The following MYL12B variants were observed in gnomAD, a reference collection of about 807,000 sequenced individuals.
MYL12B encodes the protein myosin light chain 12B.
MYL12B carries 3 observed loss-of-function variants against 12.9 expected under a neutral mutation model. The observed-to-expected ratio is 0.23, with a 90% CI of 0.11 to 0.60. The LOEUF is 0.60. Ranked by LOEUF, MYL12B falls within the 20% of genes least tolerant of loss-of-function variation. MYL12B has a pLI of 0.89. For synonymous variants in MYL12B, 57 were observed against 71.9 expected, an observed-to-expected ratio of 0.79 and a Z score of 1.05; for missense variants, 120 against 215.4, an observed-to-expected ratio of 0.56 and a Z score of 2.77.
In MYL12B at chr18:3,262,166, C is replaced by G. The variant is rs2081595140; in HGVS notation, c.-87C>G. 1 of 152,244 alleles carries G rather than the reference C, an allele frequency of 6.6e-6. No homozygotes were observed. The highest frequency in any genetic ancestry group is 6.5e-5 in the Admixed American group (1 of 15,286). 9.4% of individuals were successfully genotyped at this position (152,244 alleles called of 1,614,324 possible). On this transcript the variant is annotated 5_prime_UTR_variant, in exon 1 of 4. Transcript: ENST00000237500. ...AGTGTCGGCGCCGCCACTGTCCGGC[C>G]ACAGCCTAACGCTCTTCGCTGTCGT...
At chr18:3,263,754 C>T (rs1431879680) in intron 1 of MYL12B, among the ~76,000 whole-genome samples, 1 of 152,190 alleles carries the variant, frequency 6.6e-6, no homozygotes, top group Non-Finnish European at 1.5e-5. Flanking sequence ...TACACATTAG[C>T]TTTGGGGTGT....
chr18:3,272,010 T>C (rs927897000), intron 1 of MYL12B: 1 of 964,984 alleles, frequency 1.0e-6, no homozygotes, highest in African/African-American at 1.8e-5. Flanking sequence ...GGCAATATAG[T>C]GAGAAACCCC....
chr18:3,276,602 T>G (rs544186593), intron 2 of MYL12B: 1 of 972,754 alleles, frequency 1.0e-6, no homozygotes, highest in South Asian at 4.8e-5. Context: ...TAGTTTAAAC[T>G]TAAATGGCCA....
At position 3,276,476 on chromosome 18, in the gene MYL12B, A is replaced by T. The variant is rs964411300; in HGVS notation, c.185-777A>T. 3.0e-6 allele frequency: 3 copies of T among 984,526 alleles called. No homozygotes were observed. In the African/African-American group the frequency reaches 5.2e-5, roughly 17 times the overall value. The allele number at this position is 984,526 out of a possible 1,614,324, so 61.0% of individuals were successfully genotyped here. On this transcript the variant is annotated intron_variant, in intron 2 of 3. Transcript: ENST00000237500. ...AGTGTTCACACTTGGAATGGAGATT[A>T]AGATTTCCCATTACAAACAATACCA...
At chr18:3,272,132 A>G in intron 1 of MYL12B, 1 of 983,350 alleles carries the variant, frequency 1.0e-6, no homozygotes, top group Non-Finnish European at 1.2e-6. Flanking sequence ...TAGAAAGATG[A>G]AAGGGTGGGT....
In MYL12B at chr18:3,277,314, T is replaced by C. The variant is rs1433545038; in HGVS notation, c.246T>C (p.Asn82=). The part of the protein sequence containing the change: ...AMMNEAPGPI[N]FTMFLTMFGE... Reference sequence around the variant, plus strand: ...TGAATGAGGCCCCAGGGCCCATCAATTTCACCATGTTCCTGACCATGTTTG... The same window carrying C: ...TGAATGAGGCCCCAGGGCCCATCAACTTCACCATGTTCCTGACCATGTTTG... Residue 82 remains asparagine (N), a synonymous_variant, in exon 3 of 4, where the codon AAT becomes AAC. Coordinates refer to ENST00000237500, the MANE Select transcript of MYL12B (RefSeq NM_033546.4). 1 of 1,614,004 alleles carries C rather than the reference T, an allele frequency of 6.2e-7. No homozygotes were observed. Among genetic ancestry groups the C allele is most frequent in the Admixed American group, 1.7e-5 (1 of 60,024 alleles).
At chr18:3,267,228 C>G (rs2081641506) in intron 1 of MYL12B, among the ~76,000 whole-genome samples, 1 of 152,118 alleles carries the variant, frequency 6.6e-6, no homozygotes, top group African/African-American at 2.4e-5. Flanking sequence ...AAGATTGAAA[C>G]CAGAGGATTT....
At chr18:3,275,862 T>C (rs951402022) in intron 2 of MYL12B, among the ~76,000 whole-genome samples, 1 of 152,184 alleles carries the variant, frequency 6.6e-6, no homozygotes, top group African/African-American at 2.4e-5. Flanking sequence ...ATTCAGTGAA[T>C]CTTGAGTTTA....
rs1367880726 is a variant in MYL12B, at chr18:3,277,805, C to T, written c.387C>T (p.Thr129=). The change falls in exon 4 of 4, where the codon ACC becomes ACT. Residue 129 remains threonine (T), a synonymous_variant. Coordinates refer to ENST00000237500, the MANE Select transcript of MYL12B (RefSeq NM_033546.4). ...ATTACCTAAGAGAGCTGCTGACAAC[C>T]ATGGGGGATCGGTTTACAGATGAGG... The part of the protein sequence containing the change: ...QEDYLRELLT[T]MGDRFTDEEV... 3 of 1,613,610 alleles carry T rather than the reference C, an allele frequency of 1.9e-6. No homozygotes were observed. Among genetic ancestry groups the T allele is most frequent in the Non-Finnish European group, 1.7e-6 (2 of 1,179,872 alleles).
chr18:3,271,988 A>G, intron 1 of MYL12B: 4 of 890,942 alleles, frequency 4.5e-6, no homozygotes, highest in Non-Finnish European at 5.4e-6. Flanking sequence ...CTCAGAGTTC[A>G]AGATCAGACT....
intron 2 of MYL12B, chr18:3,276,859 A>T (rs2081735883): frequency 2.3e-6 from 2 of 859,976 alleles, no homozygotes; most frequent in Non-Finnish European, 2.8e-6. Flanking sequence ...CAACATAGTG[A>T]AACCCAGTCT....
chr18:3,275,159 T>C (rs1205200746), intron 2 of MYL12B, among the ~76,000 whole-genome samples: 2 of 151,926 alleles, frequency 1.3e-5, no homozygotes, highest in African/African-American at 4.9e-5. Context: ...ATCCTGTCAT[T>C]GCAGCAACAT....
chr18:3,275,113 T>C (rs147217355), intron 2 of MYL12B, among the ~76,000 whole-genome samples: 23 of 152,336 alleles, frequency 1.5e-4, no homozygotes, highest in African/African-American at 5.1e-4. Context: ...GTGGTACTTA[T>C]GTACAATGGA....
exon 4 of MYL12B, among the ~76,000 whole-genome samples, chr18:3,278,460 T>TTC (rs36020830): frequency 0.96 from 145,699 of 152,116 alleles, 69,834 homozygotes; most frequent in Non-Finnish European, 0.98. Context: ...ATGCCATTGT[T>TTC]TTTCACGCTT....
intron 1 of MYL12B, among the ~76,000 whole-genome samples, chr18:3,264,333 A>G (rs1051584849): frequency 3.9e-5 from 6 of 152,280 alleles, no homozygotes; most frequent in East Asian, 1.9e-4. Context: ...CTTAACTAGG[A>G]TTATTTGAGC....
intron 2 of MYL12B, 85 bp from the exon 3 acceptor site, chr18:3,277,168 A>T (rs965401832): frequency 1.0e-4 from 130 of 1,293,972 alleles, no homozygotes; most frequent in Non-Finnish European, 1.3e-4. Flanking sequence ...CATTTTAAAA[A>T]TATGTTGGGG....
At chr18:3,274,508 C>G (rs141338639) in intron 2 of MYL12B, among the ~76,000 whole-genome samples, 1 of 152,000 alleles carries the variant, frequency 6.6e-6, no homozygotes, top group African/African-American at 2.4e-5. Flanking sequence ...AGTGCAGCCA[C>G]GTGGTAGAAG....
chr18:3,272,971 A>G lies in MYL12B; in HGVS notation c.73A>G (p.Met25Val), dbSNP rs761538443. The G allele has an allele frequency of 3.1e-6, 5 of 1,613,258 alleles. No homozygotes were observed. Among genetic ancestry groups the G allele is most frequent in the Non-Finnish European group, 4.2e-6 (5 of 1,179,746 alleles). Residue 25 changes from methionine (M) to valine (V), a missense_variant, in exon 2 of 4, where the codon ATG becomes GTG. Coordinates refer to ENST00000237500, the MANE Select transcript of MYL12B (RefSeq NM_033546.4). ...GCGTGCAACATCCAATGTGTTTGCC[A>G]TGTTTGACCAGTCACAGATTCAGGA... is the stretch of plus-strand genomic sequence containing the variant. ...PQRATSNVFA[M>V]FDQSQIQEFK...
At position 3,277,272 on chromosome 18, in the gene MYL12B, A is replaced by G; in HGVS notation, c.204A>G (p.Ala68=). ...LASLGKNPTD[A]YLDAMMNEAP... Reference sequence around the variant, plus strand: ...TTACAGGGAAGAATCCCACTGATGCATACCTTGATGCCATGATGAATGAGG... The same window carrying G: ...TTACAGGGAAGAATCCCACTGATGCGTACCTTGATGCCATGATGAATGAGG... The change falls in exon 3 of 4, where the codon GCA becomes GCG. Residue 68 remains alanine, a synonymous_variant. Coordinates refer to ENST00000237500, the MANE Select transcript of MYL12B (RefSeq NM_033546.4). 8.1e-6 allele frequency: 13 copies of G among 1,609,704 alleles called. No homozygotes were observed. Among genetic ancestry groups the G allele is most frequent in the Non-Finnish European group, 1.1e-5 (13 of 1,178,214 alleles).
Sources: allele counts gnomAD v4.1 joint callset (sites outside exome capture counted in the v4.1 genomes callset), GRCh38; gene constraint gnomAD v4.1.1; transcripts MANE v1.5; gene names NCBI Gene and HGNC (gene_info 2026-07-23, HGNC 2026-07-21).